MEGF9: variants seen among roughly 807,000 people sequenced by gnomAD.
The protein encoded by MEGF9 is multiple epidermal growth factor-like domains protein 9.
Under a neutral mutation model 46.8 loss-of-function variants are expected in MEGF9, and 6 were observed. That is an observed-to-expected ratio of 0.13 (90% CI 0.07 to 0.25). The LOEUF (loss-of-function observed/expected upper bound fraction) is 0.25, where lower values mean the gene tolerates loss of function less well. Among genes scored for constraint, MEGF9 ranks in the 10% least tolerant of loss-of-function variants. MEGF9 has a pLI of 1.00. For synonymous variants in MEGF9, 302 were observed against 330.7 expected (o/e 0.91, Z 0.94); for missense variants, 683 against 792.4 (o/e 0.86, Z 1.66).
chr9:120,705,332 T>C (rs2043924535), intron 1 of MEGF9, among the ~76,000 whole-genome samples: 1 of 151,902 alleles, frequency 6.6e-6, no homozygotes, highest in African/African-American at 2.4e-5. Flanking sequence ...AAGGACTTTT[T>C]GTTCATCTAG....
intron 1 of MEGF9, among the ~76,000 whole-genome samples, chr9:120,684,886 T>C (rs930929452): frequency 6.6e-6 from 1 of 151,500 alleles, no homozygotes; most frequent in Admixed American, 6.6e-5. Context: ...CAGTCTGGAG[T>C]GCAGTGGCAC....
intron 3 of MEGF9, among the ~76,000 whole-genome samples, chr9:120,617,952 G>C (rs1319245762): frequency 6.6e-6 from 1 of 152,176 alleles, no homozygotes. Flanking sequence ...GAAATGAATA[G>C]AGCAGGCTTA....
intron 1 of MEGF9, among the ~76,000 whole-genome samples, chr9:120,661,402 C>G (rs59657587): frequency 0.054 from 8,288 of 152,142 alleles, 755 homozygotes; most frequent in African/African-American, 0.19. Flanking sequence ...CTGTAGTCCT[C>G]GCTACTCGGG....
intron 1 of MEGF9, among the ~76,000 whole-genome samples, chr9:120,710,512 C>CTGGGCAATTAGTTTCAGTTT (rs1362317738): frequency 6.6e-6 from 1 of 150,872 alleles, no homozygotes; most frequent in Non-Finnish European, 1.5e-5. Context: ...TGCCTGCTTG[C>CTGGGCAATTAGTTTCAGTTT]TGGGCAATTA....
At chr9:120,698,337 T>C (rs1338348789) in intron 1 of MEGF9, among the ~76,000 whole-genome samples, 1 of 152,204 alleles carries the variant, frequency 6.6e-6, no homozygotes, top group Non-Finnish European at 1.5e-5. Context: ...TTTCCATCTT[T>C]GCATTTGCCT....
At chr9:120,650,897 T>C (rs2043646631) in intron 2 of MEGF9, among the ~76,000 whole-genome samples, 1 of 152,150 alleles carries the variant, frequency 6.6e-6, no homozygotes, top group African/African-American at 2.4e-5. Context: ...CCACCTCCTA[T>C]GGAAAGCCTT....
chr9:120,665,869 GTGT>G (rs1329793181), intron 1 of MEGF9, among the ~76,000 whole-genome samples: 1 of 152,096 alleles, frequency 6.6e-6, no homozygotes, highest in Non-Finnish European at 1.5e-5. Context: ...CCCCCAATGT[GTGT>G]TCTGGGCACC....
chr9:120,691,692 T>C (rs2043849287), intron 1 of MEGF9, among the ~76,000 whole-genome samples: 1 of 152,186 alleles, frequency 6.6e-6, no homozygotes, highest in Non-Finnish European at 1.5e-5. Context: ...CATCATCTCA[T>C]AATTCTATGA....
At chr9:120,613,379 A>C (rs2043457558) in intron 3 of MEGF9, among the ~76,000 whole-genome samples, 1 of 152,028 alleles carries the variant, frequency 6.6e-6, no homozygotes, top group Admixed American at 6.6e-5. Flanking sequence ...AGGACTACGG[A>C]GGAAAAGAGG....
At chr9:120,692,496 T>C (rs1005160821) in intron 1 of MEGF9, among the ~76,000 whole-genome samples, 30 of 152,216 alleles carry the variant, frequency 2.0e-4, no homozygotes, top group African/African-American at 7.0e-4. Context: ...TATAGAAGTA[T>C]GTTGCAGTTT....
intron 1 of MEGF9, among the ~76,000 whole-genome samples, chr9:120,660,235 CG>C (rs2043696171): frequency 6.6e-6 from 1 of 151,886 alleles, no homozygotes; most frequent in African/African-American, 2.4e-5. Context: ...TTTCACTTTT[CG>C]AAAGAAATAC....
chr9:120,707,396 T>C (rs527433922), intron 1 of MEGF9, among the ~76,000 whole-genome samples: 14 of 152,360 alleles, frequency 9.2e-5, no homozygotes, highest in Admixed American at 3.9e-4. Context: ...CAAAGGCTAC[T>C]GAAAGTCTTT....
At chr9:120,683,579 G>GT (rs1237706466) in intron 1 of MEGF9, among the ~76,000 whole-genome samples, 1 of 152,206 alleles carries the variant, frequency 6.6e-6, no homozygotes, top group African/African-American at 2.4e-5. Context: ...TGCCATGATT[G>GT]TAAGTTTCCT....
intron 1 of MEGF9, among the ~76,000 whole-genome samples, chr9:120,699,262 G>C (rs1276297868): frequency 6.6e-6 from 1 of 152,122 alleles, no homozygotes; most frequent in Non-Finnish European, 1.5e-5. Context: ...TAACAAGCAA[G>C]TGATCTCATT....
intron 2 of MEGF9, among the ~76,000 whole-genome samples, chr9:120,629,259 T>C (rs1587978058): frequency 6.6e-6 from 1 of 152,242 alleles, no homozygotes. Flanking sequence ...GGATTACAGG[T>C]GTGAGTCACT....
At chr9:120,611,663 C>T (rs2043445720) in intron 4 of MEGF9, among the ~76,000 whole-genome samples, 1 of 151,866 alleles carries the variant, frequency 6.6e-6, no homozygotes, top group African/African-American at 2.4e-5. Flanking sequence ...ATGAAAACTT[C>T]TAAAATTGAT....
chr9:120,682,082 T>A (rs1438228002), intron 1 of MEGF9, among the ~76,000 whole-genome samples: 1 of 152,212 alleles, frequency 6.6e-6, no homozygotes, highest in Non-Finnish European at 1.5e-5. Flanking sequence ...GGCCTTTCTC[T>A]ACCCTACATT....
At chr9:120,708,221 T>C (rs2043937253) in intron 1 of MEGF9, among the ~76,000 whole-genome samples, 1 of 151,954 alleles carries the variant, frequency 6.6e-6, no homozygotes, top group South Asian at 2.1e-4. Flanking sequence ...ATAAATTAGC[T>C]GGGCGTGGCG....
In MEGF9 at chr9:120,605,429, CAATGATGATGACTGTCAA is replaced by C; in HGVS notation, c.1552_1569del (p.Leu518_Ile523del). On this transcript the variant is annotated inframe_deletion, in exon 6 of 6. Coordinates refer to ENST00000373930, the MANE Select transcript of MEGF9 (RefSeq NM_001080497.3). This position sits in a 1 kb window ranked among gnomAD's most constrained non-coding sequence, Gnocchi z 4.0. ...ACAAATCCCATTAGCAGCACCACAACAATGATGATGACTGTCAAAATGATGATGTTAAATTGGGTCCAT... is the reference window on the plus strand; with the variant it reads ...ACAAATCCCATTAGCAGCACCACAACAATGATGATGTTAAATTGGGTCCAT... 1 of 1,614,026 alleles carries C rather than the reference CAATGATGATGACTGTCAA, an allele frequency of 6.2e-7. No individual in the cohort carries two copies. Among genetic ancestry groups the C allele is most frequent in the Non-Finnish European group, 8.5e-7 (1 of 1,179,896 alleles).
Sources: allele counts gnomAD v4.1 joint callset (sites outside exome capture counted in the v4.1 genomes callset), GRCh38; gene constraint gnomAD v4.1.1; non-coding constraint Gnocchi (gnomAD v3.1); transcripts MANE v1.5; gene names NCBI Gene and HGNC (gene_info 2026-07-23, HGNC 2026-07-21).